Variants in PM20D2 observed in about 807,000 individuals in gnomAD.
The protein encoded by PM20D2 is xaa-Arg dipeptidase.
PM20D2 carries 33 observed loss-of-function variants against 42.9 expected under a neutral mutation model. The ratio of observed to expected loss-of-function variants is 0.77; its 90% CI spans 0.58 to 1.03. PM20D2 has a LOEUF of 1.03. PM20D2 is among the 50% of genes least tolerant of loss of function. The pLI, the probability that PM20D2 is intolerant of heterozygous loss-of-function variation, is 0.00. For synonymous variants in PM20D2, 250 were observed against 228.2 expected (o/e 1.10, Z -0.86); for missense variants, 548 against 557.0 (o/e 0.98, Z 0.16).
At chr6:89,117,617 G>A in the PM20D2 span, among the ~76,000 whole-genome samples, 9 of 152,170 alleles carry the variant, frequency 5.9e-5, no homozygotes, top group East Asian at 1.6e-3. Flanking sequence ...GGGGCTGAAA[G>A]CTGGCCGGGA....
At chr6:89,116,785 AAAAAACT>A in the PM20D2 span, among the ~76,000 whole-genome samples, 1 of 152,070 alleles carries the variant, frequency 6.6e-6, no homozygotes, top group South Asian at 2.1e-4. Context: ...AAAAAAAAAA[AAAAAACT>A]AAAAAATAAA....
Position 89,146,232 on chromosome 6 carries a change from T to C in PM20D2, c.88T>C (p.Cys30Arg). 3.2e-6 allele frequency: 5 copies of C among 1,580,110 alleles called. No individual in the cohort carries two copies. Among genetic ancestry groups the C allele is most frequent in the Non-Finnish European group, 4.3e-6 (5 of 1,170,820 alleles). ...LELLKLRSAE[C>R]IDEAAERLGA... Reference sequence around the variant, plus strand: ...GCTACTGAAGCTGCGCTCGGCGGAGTGCATCGACGAGGCGGCCGAGCGGCT... The same window carrying C: ...GCTACTGAAGCTGCGCTCGGCGGAGCGCATCGACGAGGCGGCCGAGCGGCT... Residue 30 changes from cysteine (C) to arginine (R), a missense_variant, in exon 1 of 7, where the codon TGC (cysteine) becomes CGC (arginine). Around this residue, in one of 3 missense-constraint regions of PM20D2, gnomAD observed 470 missense variants for 464.4 expected, o/e 1.01. Coordinates refer to ENST00000275072, the MANE Select transcript of PM20D2 (RefSeq NM_001010853.3).
the PM20D2 span, among the ~76,000 whole-genome samples, chr6:89,132,672 C>G: frequency 2.0e-5 from 3 of 150,314 alleles, no homozygotes; most frequent in Non-Finnish European, 4.4e-5. Context: ...ATGGTGAAAC[C>G]CTGTCTCTAC....
the PM20D2 span, among the ~76,000 whole-genome samples, chr6:89,132,848 G>C: frequency 0.049 from 7,356 of 150,196 alleles, 483 homozygotes; most frequent in African/African-American, 0.097. Flanking sequence ...AAGAAAAAAA[G>C]AAAGTAAAGA....
chr6:89,112,599 A>T, the PM20D2 span, among the ~76,000 whole-genome samples: 1 of 151,056 alleles, frequency 6.6e-6, no homozygotes, highest in Admixed American at 6.6e-5. Flanking sequence ...TTTGGTAGAG[A>T]TGAGGCCTTG....
the PM20D2 span, among the ~76,000 whole-genome samples, chr6:89,102,716 G>A: frequency 6.6e-6 from 1 of 152,066 alleles, no homozygotes; most frequent in Admixed American, 6.6e-5. Context: ...AGTTAACAAA[G>A]ATTTACAGAA....
the PM20D2 span, chr6:89,098,768 G>A: frequency 6.2e-7 from 1 of 1,613,812 alleles, no homozygotes; most frequent in Non-Finnish European, 8.5e-7. Flanking sequence ...CTTTTGAGGT[G>A]AACTTGACTG....
chr6:89,138,483 C>G, the PM20D2 span, among the ~76,000 whole-genome samples: 1 of 151,830 alleles, frequency 6.6e-6, no homozygotes, highest in South Asian at 2.1e-4. Flanking sequence ...TGGAAATTTT[C>G]CAGGTGAGGT....
At chr6:89,096,448 C>CAGTGCCA in the PM20D2 span, 1 of 152,164 alleles carries the variant, frequency 6.6e-6, no homozygotes. Context: ...CAGTGCCAAG[C>CAGTGCCA]ATGTACTAAA....
chr6:89,121,058 T>C, the PM20D2 span, among the ~76,000 whole-genome samples: 1 of 152,188 alleles, frequency 6.6e-6, no homozygotes, highest in Non-Finnish European at 1.5e-5. Flanking sequence ...CTCTTTACAG[T>C]TTGAAAAAAG....
the PM20D2 span, among the ~76,000 whole-genome samples, chr6:89,111,520 A>G: frequency 1.3e-5 from 2 of 152,190 alleles, no homozygotes; most frequent in Non-Finnish European, 2.9e-5. Context: ...ATAACTTACT[A>G]AACTTATTAG....
At chr6:89,124,642 T>C in the PM20D2 span, among the ~76,000 whole-genome samples, 2 of 151,686 alleles carry the variant, frequency 1.3e-5, no homozygotes, top group African/African-American at 4.8e-5. Context: ...GAGAGTAGTG[T>C]AGTGTTGCTG....
At chr6:89,117,991 G>A in the PM20D2 span, 17 of 1,259,318 alleles carry the variant, frequency 1.3e-5, no homozygotes, top group South Asian at 1.9e-4. Context: ...CCCCCGGCGC[G>A]ACCCCCACCC....
Position 89,161,077 on chromosome 6 carries a change from G to A in PM20D2, c.1049-706G>A, listed in dbSNP as rs372341447. Among the ~76,000 whole-genome samples, 140 of 152,326 alleles carry A rather than the reference G, an allele frequency of 9.2e-4. 1 individual carries two copies. The highest frequency in any genetic ancestry group is 3.2e-3 in the African/African-American group (133 of 41,578). On this transcript the variant is annotated intron_variant, in intron 5 of 6. Transcript: ENST00000275072. ...AAGAGATAATGATAGCATAGGCTGA[G>A]GACAGGTGTTGGTGATGGTGATGCA...
At chr6:89,123,511 A>G in the PM20D2 span, among the ~76,000 whole-genome samples, 2 of 149,734 alleles carry the variant, frequency 1.3e-5, no homozygotes, top group East Asian at 2.0e-4. Context: ...GCATAAGGGC[A>G]GGAGTTTGAG....
At chr6:89,157,031 C>T (rs1411932493) in intron 4 of PM20D2, among the ~76,000 whole-genome samples, 2 of 152,132 alleles carry the variant, frequency 1.3e-5, no homozygotes, top group East Asian at 1.9e-4. Context: ...TCAAGGTATA[C>T]AGTATTCCCT....
chr6:89,122,330 T>G, the PM20D2 span, among the ~76,000 whole-genome samples: 4 of 152,196 alleles, frequency 2.6e-5, no homozygotes, highest in Non-Finnish European at 5.9e-5. Flanking sequence ...TTTGGGTTAT[T>G]AGTAAAGTTC....
the PM20D2 span, among the ~76,000 whole-genome samples, chr6:89,102,422 C>T: frequency 1.7e-4 from 26 of 152,278 alleles, no homozygotes; most frequent in Non-Finnish European, 1.8e-4. Flanking sequence ...TGAGCCACTG[C>T]ACCTGGCCTC....
At chr6:89,113,529 G>C in the PM20D2 span, among the ~76,000 whole-genome samples, 8 of 151,738 alleles carry the variant, frequency 5.3e-5, no homozygotes, top group African/African-American at 1.9e-4. Flanking sequence ...GGCTCATCTC[G>C]AACTCCTGAC....
Sources: gnomAD v4.1 joint callset for allele counts (sites outside exome capture counted in the v4.1 genomes callset) on GRCh38, gnomAD v4.1.1 for gene constraint, gnomAD v4.1.1 regional missense constraint, MANE v1.5 for transcripts, NCBI Gene and HGNC (gene_info 2026-07-23, HGNC 2026-07-21) for gene names.